RHBDD2: variants seen among roughly 807,000 people sequenced by gnomAD.
The protein encoded by RHBDD2 is rhomboid domain-containing protein 2.
A neutral mutation model predicts 21.7 loss-of-function variants in RHBDD2; 13 were observed. The ratio of observed to expected loss-of-function variants is 0.60; its 90% CI spans 0.39 to 0.95. The LOEUF (loss-of-function observed/expected upper bound fraction) is 0.95, where lower values mean the gene tolerates loss of function less well. Among genes scored for constraint, RHBDD2 ranks in the 40% least tolerant of loss-of-function variants. The pLI is 0.00. For synonymous variants in RHBDD2, 225 were observed against 220.0 expected (o/e 1.02, Z -0.20); for missense variants, 473 against 478.9 (o/e 0.99, Z 0.11).
rs1308886825 is a variant in RHBDD2, at chr7:75,879,050, G to A, written c.-33G>A. The A allele has an allele frequency of 1.5e-6, 2 of 1,366,328 alleles. No individual in the cohort carries two copies. Among genetic ancestry groups the A allele is most frequent in the Non-Finnish European group, 1.9e-6 (2 of 1,056,888 alleles). 84.6% of individuals were successfully genotyped at this position (1,366,328 alleles called of 1,614,324 possible). A position where few individuals can be genotyped will look rare whatever the true frequency, so the allele number is the denominator to read the frequency against. Reference sequence around the variant, plus strand: ...GGAAGGAGCAGAGGACCGGCAGCCGGCGTCGAGGCGGGGCGCGGGAACGAC... The same window carrying A: ...GGAAGGAGCAGAGGACCGGCAGCCGACGTCGAGGCGGGGCGCGGGAACGAC... On this transcript the variant is annotated 5_prime_UTR_variant, in exon 1 of 4. Transcript: ENST00000006777.
intron 3 of RHBDD2, 33 bp downstream of exon 3, chr7:75,883,881 C>CT: frequency 1.9e-6 from 3 of 1,543,408 alleles, no homozygotes; most frequent in Non-Finnish European, 2.6e-6. Context: ...GCTGTTAAAT[C>CT]TTTTTTAAAA....
At chr7:75,882,689 G>T (rs565574082) in intron 2 of RHBDD2, among the ~76,000 whole-genome samples, 1 of 151,880 alleles carries the variant, frequency 6.6e-6, no homozygotes, top group East Asian at 1.9e-4. Context: ...TTTTATGCTA[G>T]ACACTGAATG....
At position 75,879,189 on chromosome 7, in the gene RHBDD2, T is replaced by G. The variant is rs1554541981; in HGVS notation, c.107T>G (p.Leu36Arg). The change falls in exon 1 of 4, where the codon CTG (leucine) becomes CGG (arginine). Residue 36 changes from leucine (L) to arginine (R), a missense_variant. Transcript: ENST00000006777. ...LLSLLVSGPR[L>R]FLLQQPLAPS... is the part of the protein sequence containing the mutation. The stretch of plus-strand genomic sequence containing the variant: ...TCGCTGCTGGTTTCCGGGCCTCGCC[T>G]GTTCCTGCTGCAGCAGCCCCTGGCG... The G allele has an allele frequency of 6.6e-7, 1 of 1,517,274 alleles. No homozygotes were observed. The allele number at this position is 1,517,274 out of a possible 1,614,324, so 94.0% of individuals were successfully genotyped here.
rs782795317 is a variant in RHBDD2, at chr7:75,882,059, C to T, written c.409C>T (p.Pro137Ser). 6.2e-7 allele frequency: 1 copy of T among 1,614,200 alleles called. No homozygotes were observed. Among genetic ancestry groups the T allele is most frequent in the East Asian group, 2.2e-5 (1 of 44,882 alleles). ...AGTGGAGGATGCCAGAGGTTTCACCCCAGTGGCCTTTGCCATGCTGGGAGT... is the reference window on the plus strand; with the variant it reads ...AGTGGAGGATGCCAGAGGTTTCACCTCAGTGGCCTTTGCCATGCTGGGAGT... ...GEVEDARGFTPVAFAMLGVTT... is the reference protein window; with the variant it reads ...GEVEDARGFTSVAFAMLGVTT... The change falls in exon 2 of 4, where the codon CCA becomes TCA. Residue 137 changes from proline (P) to serine (S), a missense_variant. By Grantham distance (74) the Pro-to-Ser change is moderately conservative (BLOSUM62 -1). Coordinates refer to ENST00000006777, the MANE Select transcript of RHBDD2 (RefSeq NM_001040456.3).
At chr7:75,885,282 C>T (rs1413161521) in intron 3 of RHBDD2, among the ~76,000 whole-genome samples, 3 of 152,134 alleles carry the variant, frequency 2.0e-5, no homozygotes, top group African/African-American at 7.2e-5. Flanking sequence ...GGCCTGGCTG[C>T]TTCATTTTAT....
At chr7:75,881,286 A>G in intron 1 of RHBDD2, 1 of 1,186,954 alleles carries the variant, frequency 8.4e-7, no homozygotes, top group Non-Finnish European at 1.1e-6. Context: ...AATTTCTATA[A>G]TCTTTATTGT....
intron 1 of RHBDD2, 125 bp from the exon 2 acceptor site, chr7:75,881,704 C>T (rs1805331333): frequency 1.2e-5 from 13 of 1,049,742 alleles, no homozygotes; most frequent in Admixed American, 2.4e-5. Flanking sequence ...CCTCCTGCTG[C>T]GACTCACTGG....
At chr7:75,883,649 G>T in intron 2 of RHBDD2, 49 bp from the exon 3 acceptor site, 1 of 1,570,940 alleles carries the variant, frequency 6.4e-7, no homozygotes. Flanking sequence ...GGAGTGTTCG[G>T]CCCTCCTCCC....
At chr7:75,885,875 C>T (rs2116038506) in intron 3 of RHBDD2, among the ~76,000 whole-genome samples, 1 of 151,660 alleles carries the variant, frequency 6.6e-6, no homozygotes, top group Middle Eastern at 3.4e-3. Flanking sequence ...AATCACGTTT[C>T]TTTTTTTTTG....
intron 3 of RHBDD2, among the ~76,000 whole-genome samples, chr7:75,887,159 A>G (rs1805727102): frequency 7.8e-6 from 1 of 127,998 alleles, no homozygotes; most frequent in African/African-American, 3.1e-5. Context: ...TTTTTTTTAC[A>G]CATGGTCTTG....
intron 1 of RHBDD2, chr7:75,881,548 C>T (rs1345670267): frequency 7.3e-7 from 1 of 1,362,728 alleles, no homozygotes; most frequent in East Asian, 3.2e-5. Context: ...AGAGACTGCC[C>T]TCTACCGAAA....
rs782806535 is a variant in RHBDD2 at position 75,888,371 on chromosome 7, C to G, written c.*22C>G. On this transcript the variant is annotated 3_prime_UTR_variant, in exon 4 of 4. Coordinates refer to ENST00000006777, the MANE Select transcript of RHBDD2 (RefSeq NM_001040456.3). ...CTGAGAGAATTTCTAGGGAAGTCAT[C>G]TCACTTGGCCTTCTGAAGGTCCTCC... 1 of 1,578,248 alleles carries G rather than the reference C, an allele frequency of 6.3e-7. No individual in the cohort carries two copies. The highest frequency in any genetic ancestry group is 1.1e-5 in the South Asian group (1 of 90,250).
chr7:75,881,711 C>T (rs1554542522), intron 1 of RHBDD2, 118 bp from the exon 2 acceptor site: 2 of 1,099,870 alleles, frequency 1.8e-6, no homozygotes, highest in South Asian at 1.5e-5. Flanking sequence ...CTGCGACTCA[C>T]TGGCTCTCAC....
rs1243698067 is a variant in RHBDD2, at chr7:75,888,539, A to G, written c.*190A>G. 2 of 547,482 alleles carry G rather than the reference A, an allele frequency of 3.7e-6. No individual in the cohort carries two copies. The highest frequency in any genetic ancestry group is 6.5e-6 in the Non-Finnish European group (2 of 309,394). 33.9% of individuals were successfully genotyped at this position (547,482 alleles called of 1,614,324 possible). On this transcript the variant is annotated 3_prime_UTR_variant, in exon 4 of 4. Coordinates refer to ENST00000006777, the MANE Select transcript of RHBDD2 (RefSeq NM_001040456.3). ...AGTACGGTGTACTGGCCCAGCTTAC[A>G]GATGCAGAAAGCGAGACGTTCTGCC... is the stretch of plus-strand genomic sequence containing the variant.
chr7:75,883,191 C>T (rs985695166), intron 2 of RHBDD2, among the ~76,000 whole-genome samples: 14 of 152,096 alleles, frequency 9.2e-5, no homozygotes, highest in African/African-American at 7.2e-5. Flanking sequence ...TGCTGCTGGG[C>T]GCATTCATTC....
chr7:75,880,058 C>G (rs912606038), intron 1 of RHBDD2, among the ~76,000 whole-genome samples: 1 of 152,200 alleles, frequency 6.6e-6, no homozygotes, highest in African/African-American at 2.4e-5. Context: ...GTTATTGGCC[C>G]GTTATCTAGA....
chr7:75,886,815 A>G (rs1368719717), intron 3 of RHBDD2, among the ~76,000 whole-genome samples: 2 of 148,142 alleles, frequency 1.4e-5, no homozygotes, highest in Non-Finnish European at 3.0e-5. Flanking sequence ...CTCCGTCTCA[A>G]AAAAAAAAAA....
chr7:75,881,934 G>A lies in RHBDD2; in HGVS notation c.284G>A (p.Gly95Asp). Residue 95 changes from glycine (G) to aspartate (D), a missense_variant, in exon 2 of 4, where the codon GGC becomes GAC. Coordinates refer to ENST00000006777, the MANE Select transcript of RHBDD2 (RefSeq NM_001040456.3). ...RFAGNFERTV[G>D]TVRHCFFTVI... ...GCTGGCAATTTCGAGAGAACCGTGG[G>A]CACCGTCCGCCACTGCTTCTTCACC... 6.2e-7 allele frequency: 1 copy of A among 1,614,190 alleles called. No individual in the cohort carries two copies. Among genetic ancestry groups the A allele is most frequent in the Non-Finnish European group, 8.5e-7 (1 of 1,180,038 alleles).
chr7:75,881,475 C>A, intron 1 of RHBDD2: 1 of 1,305,640 alleles, frequency 7.7e-7, no homozygotes, highest in Non-Finnish European at 1.0e-6. Context: ...AACCCTCAAA[C>A]TGCCCAGTGA....
Sources: allele counts gnomAD v4.1 joint callset (sites outside exome capture counted in the v4.1 genomes callset), GRCh38; gene constraint gnomAD v4.1.1; transcripts MANE v1.5; gene names NCBI Gene and HGNC (gene_info 2026-07-23, HGNC 2026-07-21).